Variants in RPH3AL observed in about 807,000 individuals in gnomAD.
RPH3AL encodes rabphilin 3A like (without C2 domains).
Under a neutral mutation model 43.1 loss-of-function variants are expected in RPH3AL, and 38 were observed. The observed-to-expected ratio is 0.88, with a 90% CI of 0.68 to 1.15. The LOEUF (loss-of-function observed/expected upper bound fraction) is 1.15, where lower values mean the gene tolerates loss of function less well. Ranked by LOEUF, RPH3AL falls within the 50% of genes most tolerant of loss-of-function variation. The pLI, the probability that RPH3AL is intolerant of heterozygous loss-of-function variation, is 0.00. For missense variants in RPH3AL, 462 were observed against 423.2 expected (o/e 1.09, Z -0.81); for synonymous variants, 189 against 176.3 (o/e 1.07, Z -0.57).
intron 5 of RPH3AL, among the ~76,000 whole-genome samples, chr17:284,108 C>G (rs1422463261): frequency 6.6e-6 from 1 of 152,230 alleles, no homozygotes; most frequent in South Asian, 2.1e-4. Context: ...ACCTTATAAA[C>G]ATGCAGAGTG....
chr17:329,433 G>A (rs1412006693), intron 2 of RPH3AL, among the ~76,000 whole-genome samples: 1 of 152,198 alleles, frequency 6.6e-6, no homozygotes, highest in Non-Finnish European at 1.5e-5. Flanking sequence ...CCGAGATCAA[G>A]CCATTGCACT....
chr17:281,578 C>T (rs1268275486), intron 6 of RPH3AL, among the ~76,000 whole-genome samples, 190 bp downstream of exon 6: 1 of 152,108 alleles, frequency 6.6e-6, no homozygotes, highest in Non-Finnish European at 1.5e-5. Context: ...CCGTGCTTTT[C>T]TCCGCCGAGT....
chr17:236,963 G>C (rs945741915), intron 7 of RPH3AL, among the ~76,000 whole-genome samples: 8 of 152,190 alleles, frequency 5.3e-5, no homozygotes, highest in African/African-American at 1.9e-4. Flanking sequence ...ATCCATCATC[G>C]ACAGTCCATT....
At chr17:315,058 A>C (rs62053753) in intron 5 of RPH3AL, among the ~76,000 whole-genome samples, 6,637 of 23,400 alleles carry the variant, frequency 0.28, 879 homozygotes, top group African/African-American at 0.34. Context: ...CCTCCACTGA[A>C]CTGTAGTCCC....
At chr17:303,355 C>T (rs555534929) in intron 5 of RPH3AL, among the ~76,000 whole-genome samples, 2 of 152,004 alleles carry the variant, frequency 1.3e-5, no homozygotes, top group East Asian at 1.9e-4. Flanking sequence ...CACACCGCTG[C>T]ACTCCAGCCG....
intron 5 of RPH3AL, among the ~76,000 whole-genome samples, chr17:314,637 T>G: frequency 2.5e-5 from 3 of 120,766 alleles, no homozygotes; most frequent in Non-Finnish European, 5.9e-5. Context: ...TCCATTGACC[T>G]GTAGTCCCTG....
chr17:336,267 C>A (rs1360503540), intron 1 of RPH3AL, among the ~76,000 whole-genome samples: 1 of 152,182 alleles, frequency 6.6e-6, no homozygotes, highest in Non-Finnish European at 1.5e-5. Flanking sequence ...GTCAACATTT[C>A]CTCCACCTGT....
chr17:244,462 C>CTGGA (rs1555538887), intron 7 of RPH3AL, among the ~76,000 whole-genome samples: 1 of 151,708 alleles, frequency 6.6e-6, no homozygotes, highest in African/African-American at 2.4e-5. Flanking sequence ...AGAGAAAGAA[C>CTGGA]TGGAGGTGGG....
intron 5 of RPH3AL, among the ~76,000 whole-genome samples, chr17:308,917 G>T (rs77662185): frequency 0.028 from 4,274 of 152,248 alleles, 193 homozygotes; most frequent in African/African-American, 0.097. Flanking sequence ...CTTCTCAGAG[G>T]TTAGCAGACT....
chr17:270,669 G>A (rs766536190), intron 6 of RPH3AL, among the ~76,000 whole-genome samples: 25 of 151,648 alleles, frequency 1.6e-4, no homozygotes, highest in African/African-American at 4.9e-4. Context: ...TGGCAACATC[G>A]TGAGATGCCA....
intron 6 of RPH3AL, among the ~76,000 whole-genome samples, chr17:248,084 G>A (rs1402841233): frequency 6.6e-6 from 1 of 152,180 alleles, no homozygotes; most frequent in Admixed American, 6.5e-5. Flanking sequence ...GCAGAGAGCT[G>A]CATGGGATGG....
intron 7 of RPH3AL, among the ~76,000 whole-genome samples, chr17:228,833 C>T (rs2041162977): frequency 6.6e-6 from 1 of 152,154 alleles, no homozygotes. Flanking sequence ...CTCTTCTGTG[C>T]CCTCTCTGGA....
chr17:309,438 C>G (rs1047886694), intron 5 of RPH3AL, among the ~76,000 whole-genome samples: 1 of 73,422 alleles, frequency 1.4e-5, no homozygotes, highest in Non-Finnish European at 3.5e-5. Flanking sequence ...GCTGGGGGTC[C>G]GGGATACGGC....
chr17:316,390 C>A (rs1433544659), intron 5 of RPH3AL, among the ~76,000 whole-genome samples: 11 of 151,484 alleles, frequency 7.3e-5, no homozygotes. Context: ...TCTCTGCACC[C>A]ACCTCCATTG....
chr17:231,909 C>T (rs780984975), intron 7 of RPH3AL, among the ~76,000 whole-genome samples: 3 of 152,248 alleles, frequency 2.0e-5, no homozygotes, highest in African/African-American at 4.8e-5. Flanking sequence ...TCTAAGCCAG[C>T]GAGGAGGCCC....
In RPH3AL at chr17:272,979, AAGGGCTACGTC is replaced by A. The variant is rs2042526594; in HGVS notation, c.438+8778_438+8788del. ...GGCTACGTCAGGGTGAGACCCCAGC[AAGGGCTACGTC>A]AGGGTGAGACCCCAGCGAGGGCGAC... is the stretch of plus-strand genomic sequence containing the variant. On this transcript the variant is annotated intron_variant, in intron 6 of 9. Coordinates refer to ENST00000331302, the MANE Select transcript of RPH3AL (RefSeq NM_006987.4). Among the ~76,000 whole-genome samples the A allele has an allele frequency of 7.0e-5, 3 of 42,674 alleles. No individual in the cohort carries two copies. In the East Asian group the frequency reaches 2.4e-3, roughly 35 times the overall value. 28.0% of individuals were successfully genotyped at this position (42,674 alleles called of 152,430 possible).
chr17:245,029 T>G lies in RPH3AL; in HGVS notation c.613+2082A>C, dbSNP rs1234240608. On this transcript the variant is annotated intron_variant, in intron 7 of 9. Transcript: ENST00000331302. This position sits in a 1 kb window ranked among gnomAD's most constrained non-coding sequence, Gnocchi z 5.9. Reference sequence around the variant, plus strand: ...ATGAGTGTGTGTATGTGGATGTGTGTGTGGATGTGAGCACTATGTGTGCAT... The same window carrying G: ...ATGAGTGTGTGTATGTGGATGTGTGGGTGGATGTGAGCACTATGTGTGCAT... 6.6e-6 allele frequency among the ~76,000 whole-genome samples: 1 copy of G among 152,160 alleles called. No homozygotes were observed. The highest frequency in any genetic ancestry group is 2.1e-4 in the South Asian group (1 of 4,830).
chr17:250,303 G>A (rs549671027), intron 6 of RPH3AL, among the ~76,000 whole-genome samples: 1,045 of 100,744 alleles, frequency 0.01, 122 homozygotes, highest in African/African-American at 0.014. Context: ...CCGTTGCTGC[G>A]GGACCTCTCA....
chr17:260,348 G>A (rs782082416), intron 6 of RPH3AL, among the ~76,000 whole-genome samples: 13 of 152,164 alleles, frequency 8.5e-5, no homozygotes, highest in Admixed American at 3.3e-4. Context: ...GCTCAGACTC[G>A]CCCACCTTCC....
Sources: allele counts gnomAD v4.1 joint callset (sites outside exome capture counted in the v4.1 genomes callset), GRCh38; gene constraint gnomAD v4.1.1; non-coding constraint Gnocchi (gnomAD v3.1); transcripts MANE v1.5; gene names NCBI Gene and HGNC (gene_info 2026-07-23, HGNC 2026-07-21).